The following SART3 variants were observed in gnomAD, a reference collection of about 807,000 sequenced individuals.
SART3 encodes the protein HIV-1 Tat-interacting protein of 110kDa.
SART3 carries 44 observed loss-of-function variants against 122.3 expected under a neutral mutation model. The ratio of observed to expected loss-of-function variants is 0.36; its 90% CI spans 0.28 to 0.46. SART3 has a LOEUF of 0.46. Ranked by LOEUF, SART3 falls within the 20% of genes least tolerant of loss-of-function variation. SART3 has a pLI of 1.00. For synonymous variants in SART3, 442 were observed against 454.0 expected, an observed-to-expected ratio of 0.97 and a Z score of 0.34; for missense variants, 1,101 against 1,229.0, an observed-to-expected ratio of 0.90 and a Z score of 1.56.
At chr12:108,523,743 G>T in intron 18 of SART3, 109 bp from the exon 19 acceptor site, 1 of 711,738 alleles carries the variant, frequency 1.4e-6, no homozygotes, top group Non-Finnish European at 2.3e-6. Flanking sequence ...GTTAAAAGGT[G>T]AAAAAAAAAA....
intron 18 of SART3, 148 bp from the exon 19 acceptor site, chr12:108,523,782 T>G: frequency 1.3e-6 from 1 of 785,770 alleles, no homozygotes. Context: ...CCTCCTTAAT[T>G]CTGTTTATGA....
chr12:108,532,466 G>C, intron 12 of SART3, 132 bp from the exon 13 acceptor site: 1 of 721,950 alleles, frequency 1.4e-6, no homozygotes, highest in South Asian at 1.5e-5. Flanking sequence ...TTAGCTTTCA[G>C]ATCTATCCAT....
intron 3 of SART3, among the ~76,000 whole-genome samples, chr12:108,546,271 C>T (rs187272174): frequency 6.6e-6 from 1 of 152,266 alleles, no homozygotes; most frequent in East Asian, 1.9e-4. Context: ...ATGATCACGG[C>T]TCACTGCACC....
At chr12:108,524,728 A>T (rs1680262826) in intron 17 of SART3, 1 of 596,068 alleles carries the variant, frequency 1.7e-6, no homozygotes, top group Admixed American at 2.9e-5. Context: ...GTAACTTCAG[A>T]TAACCCTTCC....
chr12:108,526,040 G>C, intron 16 of SART3, 59 bp downstream of exon 16: 2 of 1,319,362 alleles, frequency 1.5e-6, no homozygotes, highest in Non-Finnish European at 2.2e-6. Context: ...GCTGCAGGAA[G>C]AAAGTGCCTG....
In SART3 at chr12:108,526,260, G is replaced by T. The variant is rs139013658; in HGVS notation, c.2209C>A (p.Pro737Thr). ...EACGEVVQIR[P>T]IFSNRGDFRG... ...AAATCCCCACGGTTGCTGAAGATGG[G>T]TCGGATCTGGACCACCTCCCCACAG... The change falls in exon 16 of 19, where the codon CCC (proline) becomes ACC (threonine). Residue 737 changes from proline to threonine, a missense_variant. By Grantham distance (38) the Pro-to-Thr change is conservative. Coordinates refer to ENST00000546815, the MANE Select transcript of SART3 (RefSeq NM_014706.4). 1.9e-6 allele frequency: 3 copies of T among 1,614,080 alleles called. No individual in the cohort carries two copies. The highest frequency in any genetic ancestry group is 2.7e-5 in the African/African-American group (2 of 74,924).
chr12:108,527,533 G>A (rs545447430), intron 15 of SART3, among the ~76,000 whole-genome samples: 12 of 152,194 alleles, frequency 7.9e-5, no homozygotes, highest in African/African-American at 2.4e-4. Context: ...CTGATCACAC[G>A]CCATGCCCTG....
chr12:108,560,712 T>C (rs1468389830), intron 1 of SART3, 131 bp downstream of exon 1: 4 of 706,000 alleles, frequency 5.7e-6, no homozygotes, highest in Non-Finnish European at 9.2e-6. Context: ...CGACAGGAGC[T>C]ACTGTCACGA....
Position 108,539,037 on chromosome 12 carries a change from T to C in SART3, c.959A>G (p.Glu320Gly). ...LAEYQAYIDF[E>G]MKIGDPARIQ... ...GCGAGCAGGATCGCCAATTTTCATC[T>C]CAAAATCGATATATGCTTGATATTC... is the stretch of plus-strand genomic sequence containing the variant. The change falls in exon 7 of 19, where the codon GAG becomes GGG. Residue 320 changes from glutamate to glycine, a missense_variant. Glu to Gly is a moderately conservative substitution (Grantham distance 98). This residue lies in a region of SART3 where 885 missense variants were observed against 1,080.1 expected (regional missense o/e 0.82). Coordinates refer to ENST00000546815, the MANE Select transcript of SART3 (RefSeq NM_014706.4). 6.2e-7 allele frequency: 1 copy of C among 1,614,230 alleles called. No homozygotes were observed. The highest frequency in any genetic ancestry group is 1.1e-5 in the South Asian group (1 of 91,082).
chr12:108,538,303 T>A (rs1331242462), intron 7 of SART3, 100 bp from the exon 8 acceptor site: 1 of 1,361,582 alleles, frequency 7.3e-7, no homozygotes, highest in Non-Finnish European at 1.0e-6. Flanking sequence ...GAAATGTCCT[T>A]ATAAACATCT....
chr12:108,526,383 G>C lies in SART3; in HGVS notation c.2086C>G (p.Leu696Val). 1 of 1,613,956 alleles carries C rather than the reference G, an allele frequency of 6.2e-7. No individual in the cohort carries two copies. Among genetic ancestry groups the C allele is most frequent in the Non-Finnish European group, 8.5e-7 (1 of 1,179,830 alleles). Residue 696 changes from leucine (L) to valine (V), a missense_variant, in exon 16 of 19, where the codon CTG becomes GTG. Around this residue, in one of 2 missense-constraint regions of SART3, gnomAD observed 885 missense variants for 1,080.1 expected, o/e 0.82. Transcript: ENST00000546815. ...ASLKRDMPKV[L>V]HDSSKDSITV... Reference sequence around the variant, plus strand: ...ATGCTGTCCTTGCTGCTGTCGTGCAGCACCTTGGGCATGTCCCTCTTCAGG... The same window carrying C: ...ATGCTGTCCTTGCTGCTGTCGTGCACCACCTTGGGCATGTCCCTCTTCAGG...
At chr12:108,533,859 ACT>A (rs1466943816) in intron 12 of SART3, among the ~76,000 whole-genome samples, 1 of 152,196 alleles carries the variant, frequency 6.6e-6, no homozygotes, top group South Asian at 2.1e-4. Flanking sequence ...ACTGTAACAG[ACT>A]CTGTCAATAT....
At chr12:108,559,910 G>C in intron 1 of SART3, among the ~76,000 whole-genome samples, 1 of 152,048 alleles carries the variant, frequency 6.6e-6, no homozygotes, top group Non-Finnish European at 1.5e-5. Flanking sequence ...AGGAAACTGG[G>C]GCTGCTTCCC....
In SART3 at chr12:108,560,884, C is replaced by T; in HGVS notation, c.271G>A (p.Glu91Lys). 6.2e-7 allele frequency: 1 copy of T among 1,607,674 alleles called. No individual in the cohort carries two copies. Among genetic ancestry groups the T allele is most frequent in the African/African-American group, 1.3e-5 (1 of 74,944 alleles). Residue 91 changes from glutamate (E) to lysine (K), a missense_variant, in exon 1 of 19, where the codon GAG (glutamate) becomes AAG (lysine). Around this residue, in one of 2 missense-constraint regions of SART3, gnomAD observed 216 missense variants for 148.9 expected, o/e 1.45. Transcript: ENST00000546815. The stretch of plus-strand genomic sequence containing the variant: ...TCAATCTCCAGCTGGTTTTTCTCCT[C>T]CTCTTCGTCATATTCCCACTCGTAC... ...GEYEWEYDEE[E>K]EKNQLEIERL... is the part of the protein sequence containing the mutation.
chr12:108,546,740 C>T (rs569545020), intron 3 of SART3, among the ~76,000 whole-genome samples: 1 of 152,048 alleles, frequency 6.6e-6, no homozygotes, highest in Non-Finnish European at 1.5e-5. Flanking sequence ...AGGCTGATTT[C>T]GAACTCCTGG....
At chr12:108,560,818 G>A in intron 1 of SART3, 25 bp downstream of exon 1, 2 of 1,564,688 alleles carry the variant, frequency 1.3e-6, no homozygotes, top group Non-Finnish European at 8.7e-7. Context: ...ACTGGAAGAT[G>A]CCCGCTGCCC....
At chr12:108,540,321 TCTATAGC>T (rs1293012413) in intron 6 of SART3, among the ~76,000 whole-genome samples, 1 of 152,194 alleles carries the variant, frequency 6.6e-6, no homozygotes, top group Non-Finnish European at 1.5e-5. Context: ...GGTCTAGAAT[TCTATAGC>T]CTAAGAAAAT....
At position 108,535,368 on chromosome 12, in the gene SART3, T is replaced by C; in HGVS notation, c.1547A>G (p.Asn516Ser). 3.7e-6 allele frequency: 6 copies of C among 1,613,552 alleles called. No homozygotes were observed. The highest frequency in any genetic ancestry group is 2.2e-5 in the East Asian group (1 of 44,872). ...KYANMWLEYY[N>S]LERAHGDTQH... is the part of the protein sequence containing the mutation. ...CCCCGAGATCAGTTACCTTTCCAGG[T>C]TGTAATACTCTAGCCACATGTTGGC... is the stretch of plus-strand genomic sequence containing the variant. The change falls in exon 12 of 19, where the codon AAC becomes AGC. Residue 516 changes from asparagine (N) to serine (S), a missense_variant. Asn to Ser is a conservative substitution (Grantham distance 46). Around this residue, in one of 2 missense-constraint regions of SART3, gnomAD observed 885 missense variants for 1,080.1 expected, o/e 0.82. Transcript: ENST00000546815.
intron 11 of SART3, 44 bp from the exon 12 acceptor site, chr12:108,535,512 C>T (rs368803181): frequency 7.4e-5 from 107 of 1,450,654 alleles, no homozygotes; most frequent in Non-Finnish European, 9.6e-5. Flanking sequence ...AACCTTATGA[C>T]GTCGACACCC....
Sources: allele counts gnomAD v4.1 joint callset (sites outside exome capture counted in the v4.1 genomes callset), GRCh38; gene constraint gnomAD v4.1.1; regional missense constraint gnomAD v4.1.1; transcripts MANE v1.5; gene names NCBI Gene and HGNC (gene_info 2026-07-23, HGNC 2026-07-21).